The following CRB1 variants were observed in gnomAD, a reference collection of about 807,000 sequenced individuals.
CRB1 encodes the protein protein crumbs homolog 1.
In CRB1, 83 loss-of-function variants were observed where a neutral mutation model predicts 120.0. The ratio of observed to expected loss-of-function variants is 0.69; its 90% CI spans 0.58 to 0.83. The LOEUF is 0.83. Ranked by LOEUF, CRB1 falls within the 40% of genes least tolerant of loss-of-function variation. CRB1 has a pLI of 0.00. For missense variants in CRB1, 1,699 were observed against 1,687.6 expected, an observed-to-expected ratio of 1.01 and a Z score of -0.12; for synonymous variants, 625 against 612.5, an observed-to-expected ratio of 1.02 and a Z score of -0.30.
At position 197,429,632 on chromosome 1, in the gene CRB1, C is replaced by T. The variant is rs1664780244; in HGVS notation, c.2842+18C>T. The T allele has an allele frequency of 6.2e-7, 1 of 1,612,932 alleles. No homozygotes were observed. The highest frequency in any genetic ancestry group is 8.5e-7 in the Non-Finnish European group (1 of 1,179,190). On this transcript the variant is annotated intron_variant, in intron 8 of 11. Coordinates refer to ENST00000367400, the MANE Select transcript of CRB1 (RefSeq NM_201253.3). ...ATTTGAATGTAGGTAGAGTTCAAAC[C>T]TACCATCTCACCAGTTAAGTTGCGA... is the stretch of plus-strand genomic sequence containing the variant.
At chr1:197,354,076 G>A (rs1416015756) in intron 4 of CRB1, among the ~76,000 whole-genome samples, 5 of 149,596 alleles carry the variant, frequency 3.3e-5, no homozygotes, top group Admixed American at 2.7e-4. Flanking sequence ...TGGGGAAAAC[G>A]TAAACCAAAG....
chr1:197,411,135 A>G (rs566799894), intron 5 of CRB1, among the ~76,000 whole-genome samples: 24 of 152,242 alleles, frequency 1.6e-4, no homozygotes, highest in Non-Finnish European at 3.1e-4. Flanking sequence ...CATGATTTCA[A>G]GTAAAATCAC....
chr1:197,427,579 C>T lies in CRB1; in HGVS notation c.2254C>T (p.Leu752Phe), dbSNP rs2125483936. ...FVRTLQPSGL[L>F]LALENSTYQY... ...CCGAACGCTTCAACCATCAGGCTTA[C>T]TTCTAGCTTTGGAAAACAGCACTTA... Residue 752 changes from leucine (L) to phenylalanine (F), a missense_variant, in exon 7 of 12, where the codon CTT (leucine) becomes TTT (phenylalanine). Physicochemically the swap from Leu to Phe is conservative, Grantham distance 22. Coordinates refer to ENST00000367400, the MANE Select transcript of CRB1 (RefSeq NM_201253.3). 1 of 1,614,000 alleles carries T rather than the reference C, an allele frequency of 6.2e-7. No individual in the cohort carries two copies. The highest frequency in any genetic ancestry group is 8.5e-7 in the Non-Finnish European group (1 of 1,179,982).
chr1:197,234,384 A>G, the CRB1 span, among the ~76,000 whole-genome samples: 1 of 152,210 alleles, frequency 6.6e-6, no homozygotes, highest in African/African-American at 2.4e-5. Context: ...TATCACTGGA[A>G]CAGCCCATGT....
intron 5 of CRB1, among the ~76,000 whole-genome samples, chr1:197,363,410 G>C (rs904216307): frequency 6.6e-6 from 1 of 151,636 alleles, no homozygotes; most frequent in African/African-American, 2.4e-5. Context: ...ATTTCTTTTG[G>C]TTTTCCTTTG....
At chr1:197,414,444 A>ATG (rs1663869073) in intron 5 of CRB1, among the ~76,000 whole-genome samples, 2 of 152,138 alleles carry the variant, frequency 1.3e-5, no homozygotes, top group Admixed American at 6.5e-5. Context: ...ATTTATTCTC[A>ATG]AGGAAATATG....
chr1:197,275,931 A>G (rs1655183251), intron 1 of CRB1, among the ~76,000 whole-genome samples: 1 of 151,768 alleles, frequency 6.6e-6, no homozygotes. Context: ...AACAATAAAC[A>G]GTAAAATTTC....
intron 1 of CRB1, among the ~76,000 whole-genome samples, chr1:197,291,485 T>C (rs1656180263): frequency 6.6e-6 from 1 of 151,882 alleles, no homozygotes; most frequent in African/African-American, 2.4e-5. Flanking sequence ...CAAAGTAGCT[T>C]CAAATTACTG....
At chr1:197,287,302 C>A (rs1187601141) in intron 1 of CRB1, among the ~76,000 whole-genome samples, 2 of 151,816 alleles carry the variant, frequency 1.3e-5, no homozygotes, top group Non-Finnish European at 2.9e-5. Context: ...TAATATATTG[C>A]TCCTGGTAGC....
chr1:197,354,199 T>C (rs1660288652), intron 4 of CRB1, among the ~76,000 whole-genome samples: 1 of 152,198 alleles, frequency 6.6e-6, no homozygotes, highest in South Asian at 2.1e-4. Flanking sequence ...CTGCTGGTAA[T>C]GTGCAAATGG....
intron 1 of CRB1, among the ~76,000 whole-genome samples, chr1:197,327,104 A>ACAAAC (rs201411418): frequency 0.011 from 596 of 52,444 alleles, 13 homozygotes; most frequent in African/African-American, 0.052. Context: ...AAAAAAAAAA[A>ACAAAC]AAAAAAAAAA....
At chr1:197,446,061 A>G (rs1226869345) in intron 11 of CRB1, among the ~76,000 whole-genome samples, 1 of 152,024 alleles carries the variant, frequency 6.6e-6, no homozygotes, top group Non-Finnish European at 1.5e-5. Context: ...ATGGTGGCGC[A>G]TGCCTGTAAT....
chr1:197,227,397 T>C, the CRB1 span, among the ~76,000 whole-genome samples: 8,941 of 146,954 alleles, frequency 0.061, 898 homozygotes, highest in African/African-American at 0.22. Flanking sequence ...CTTTTTCTTT[T>C]TTTTTTTTTT....
intron 5 of CRB1, among the ~76,000 whole-genome samples, chr1:197,361,617 T>C (rs780580401): frequency 1.2e-4 from 19 of 152,194 alleles, no homozygotes; most frequent in Admixed American, 7.9e-4. Context: ...CTTCTGAGCA[T>C]AATGTTGCTC....
At chr1:197,337,822 A>C (rs1659242166) in intron 2 of CRB1, among the ~76,000 whole-genome samples, 1 of 152,126 alleles carries the variant, frequency 6.6e-6, no homozygotes, top group Non-Finnish European at 1.5e-5. Context: ...GTAATATTTT[A>C]ATATGTGTAG....
intron 9 of CRB1, among the ~76,000 whole-genome samples, 199 bp from the exon 10 acceptor site, chr1:197,438,348 G>A (rs1435823738): frequency 6.6e-6 from 1 of 152,162 alleles, no homozygotes; most frequent in African/African-American, 2.4e-5. Context: ...AGCCATGCTT[G>A]TCACAGAACC....
chr1:197,266,567 A>C (rs35292467), upstream of CRB1, among the ~76,000 whole-genome samples: 88,182 of 151,944 alleles, frequency 0.58, 29,192 homozygotes, highest in East Asian at 0.91. Flanking sequence ...GTTTTTCTAA[A>C]GGAATTCCTG....
intron 5 of CRB1, chr1:197,413,750 C>T (rs1404005596): frequency 7.3e-6 from 2 of 275,166 alleles, no homozygotes; most frequent in African/African-American, 4.4e-5. Flanking sequence ...GTAAGCAGCA[C>T]AAATGAGTCT....
intron 11 of CRB1, among the ~76,000 whole-genome samples, chr1:197,454,938 T>A (rs1340392305): frequency 6.6e-6 from 1 of 152,136 alleles, no homozygotes; most frequent in Non-Finnish European, 1.5e-5. Flanking sequence ...AGAACTTAGG[T>A]AAGAAAATCA....
Sources: allele counts gnomAD v4.1 joint callset (sites outside exome capture counted in the v4.1 genomes callset), GRCh38; gene constraint gnomAD v4.1.1; transcripts MANE v1.5; gene names NCBI Gene and HGNC (gene_info 2026-07-23, HGNC 2026-07-21).